Variants in RALYL observed in about 807,000 individuals in gnomAD.
RALYL encodes RNA-binding Raly-like protein.
Under a neutral mutation model 35.1 loss-of-function variants are expected in RALYL, and 29 were observed. That is an observed-to-expected ratio of 0.83 (90% confidence interval 0.61 to 1.13). The LOEUF (loss-of-function observed/expected upper bound fraction) is 1.13, where lower values mean the gene tolerates loss of function less well. Among genes scored for constraint, RALYL ranks in the 50% most tolerant of loss-of-function variants. The probability of loss-of-function intolerance (pLI) is 0.00; values close to 1 mark genes in which losing one functional copy is unlikely to be tolerated. For synonymous variants in RALYL, 120 were observed against 127.6 expected, an observed-to-expected ratio of 0.94 and a Z score of 0.40; for missense variants, 359 against 360.4, an observed-to-expected ratio of 1.00 and a Z score of 0.03.
chr8:84,583,438 G>C (rs1811291780), intron 2 of RALYL, among the ~76,000 whole-genome samples: 1 of 152,112 alleles, frequency 6.6e-6, no homozygotes, highest in African/African-American at 2.4e-5. Flanking sequence ...AAACTTTTCA[G>C]TACAGCCAAG....
chr8:84,771,457 T>G (rs954692437), intron 2 of RALYL, among the ~76,000 whole-genome samples: 2 of 152,120 alleles, frequency 1.3e-5, no homozygotes, highest in Admixed American at 6.5e-5. Context: ...TTAAGTTTAT[T>G]AGAAACTGAT....
At chr8:84,535,602 ATTATTTTATT>A (rs71273903) in intron 2 of RALYL, among the ~76,000 whole-genome samples, 15 of 138,394 alleles carry the variant, frequency 1.1e-4, no homozygotes, top group Non-Finnish European at 1.7e-4. Flanking sequence ...CGCCCGGCTA[ATTATTTTATT>A]TTATTTTATT....
chr8:84,814,674 A>C (rs1327168100), intron 4 of RALYL, among the ~76,000 whole-genome samples: 1 of 152,184 alleles, frequency 6.6e-6, no homozygotes, highest in African/African-American at 2.4e-5. Context: ...TTCCTTACTG[A>C]GAAAGAGCAT....
intron 1 of RALYL, among the ~76,000 whole-genome samples, chr8:84,395,540 C>T (rs1861598879): frequency 6.6e-6 from 1 of 151,814 alleles, no homozygotes; most frequent in African/African-American, 2.4e-5. Context: ...CCGCCATCAG[C>T]ACTTGCACTT....
intron 1 of RALYL, among the ~76,000 whole-genome samples, chr8:84,325,594 C>A (rs1845649464): frequency 6.6e-6 from 1 of 152,164 alleles, no homozygotes; most frequent in South Asian, 2.1e-4. Flanking sequence ...ACTGAACTGA[C>A]AACTGATAAA....
chr8:84,607,295 C>T (rs1480487250), intron 2 of RALYL, among the ~76,000 whole-genome samples: 1 of 151,924 alleles, frequency 6.6e-6, no homozygotes, highest in Non-Finnish European at 1.5e-5. Flanking sequence ...GGCCAAAGTG[C>T]ATTTATAATT....
chr8:84,303,960 ACTT>A (rs1841301966), intron 1 of RALYL, among the ~76,000 whole-genome samples: 1 of 151,814 alleles, frequency 6.6e-6, no homozygotes, highest in African/African-American at 2.4e-5. Context: ...TTTTTATTGG[ACTT>A]CTATTGATAA....
chr8:84,892,726 G>A (rs1844086928), intron 8 of RALYL, among the ~76,000 whole-genome samples: 1 of 150,326 alleles, frequency 6.7e-6, no homozygotes, highest in African/African-American at 2.4e-5. Flanking sequence ...ACAGATGACT[G>A]ATTTCCTCAT....
chr8:84,654,803 T>A (rs1829633907), intron 2 of RALYL, among the ~76,000 whole-genome samples: 1 of 152,200 alleles, frequency 6.6e-6, no homozygotes, highest in South Asian at 2.1e-4. Flanking sequence ...TGTGTGTATG[T>A]ACCACATTTT....
At chr8:84,672,526 A>C (rs1833467274) in intron 2 of RALYL, among the ~76,000 whole-genome samples, 2 of 152,202 alleles carry the variant, frequency 1.3e-5, no homozygotes, top group African/African-American at 4.8e-5. Flanking sequence ...TTACTGTATT[A>C]GTCCATTTTC....
intron 2 of RALYL, among the ~76,000 whole-genome samples, chr8:84,636,894 C>T (rs1444241235): frequency 6.6e-6 from 1 of 151,816 alleles, no homozygotes; most frequent in African/African-American, 2.4e-5. Flanking sequence ...GAAAAACTCC[C>T]TCATGGCTTA....
chr8:84,394,081 T>C (rs1164344999), intron 1 of RALYL, among the ~76,000 whole-genome samples: 1 of 152,084 alleles, frequency 6.6e-6, no homozygotes, highest in East Asian at 1.9e-4. Context: ...GCCTTCATTT[T>C]CTCCCTACTT....
At chr8:84,433,106 G>A (rs1285569721) in intron 1 of RALYL, among the ~76,000 whole-genome samples, 1 of 152,072 alleles carries the variant, frequency 6.6e-6, no homozygotes, top group Admixed American at 6.6e-5. Context: ...CTGTGCTTAT[G>A]GGAAACTTTT....
intron 5 of RALYL, among the ~76,000 whole-genome samples, chr8:84,858,388 A>G (rs1006563773): frequency 5.3e-5 from 8 of 152,174 alleles, no homozygotes; most frequent in Non-Finnish European, 8.8e-5. Flanking sequence ...ACCATTATCT[A>G]TTTGATGAGT....
At chr8:84,472,293 G>T (rs1028484180) in intron 1 of RALYL, among the ~76,000 whole-genome samples, 5 of 152,228 alleles carry the variant, frequency 3.3e-5, no homozygotes, top group Middle Eastern at 3.4e-3. Flanking sequence ...AGGGAGATAG[G>T]TATATGAATT....
chr8:84,266,482 A>AT (rs1833322089), intron 1 of RALYL, among the ~76,000 whole-genome samples: 1 of 152,184 alleles, frequency 6.6e-6, no homozygotes, highest in African/African-American at 2.4e-5. Flanking sequence ...TTCCAAAATC[A>AT]TTTTCCTGTT....
intron 2 of RALYL, among the ~76,000 whole-genome samples, chr8:84,693,654 G>A (rs775738986): frequency 6.6e-6 from 1 of 151,772 alleles, no homozygotes; most frequent in African/African-American, 2.4e-5. Context: ...CCTGACAAAG[G>A]CACTACAAGA....
rs796840518 is a variant in RALYL at position 84,208,641 on chromosome 8, C to T, written c.-24+24217C>T. On this transcript the variant is annotated intron_variant, in intron 1 of 8. Coordinates refer to ENST00000521268, the MANE Select transcript of RALYL (RefSeq NM_173848.7). ...CCTTTTGAGCTCATCCCACACTTTT[C>T]TTGCTTGAGCCTCAGTTTCCTCATC... Among the ~76,000 whole-genome samples the T allele has an allele frequency of 3.3e-5, 5 of 152,262 alleles. No homozygotes were observed. The South Asian group carries it at 8.3e-4, about 25-fold the overall frequency.
At chr8:84,802,946 T>C (rs1171402141) in intron 3 of RALYL, among the ~76,000 whole-genome samples, 1 of 152,102 alleles carries the variant, frequency 6.6e-6, no homozygotes, top group Non-Finnish European at 1.5e-5. Flanking sequence ...TGGGACTTGC[T>C]AACTAATGAG....
Sources: allele counts gnomAD v4.1 joint callset (sites outside exome capture counted in the v4.1 genomes callset), GRCh38; gene constraint gnomAD v4.1.1; transcripts MANE v1.5; gene names NCBI Gene and HGNC (gene_info 2026-07-23, HGNC 2026-07-21).